SGCG: variants seen among roughly 807,000 people sequenced by gnomAD.
The protein encoded by SGCG is gamma-sarcoglycan.
SGCG carries 26 observed loss-of-function variants against 29.3 expected under a neutral mutation model. The ratio of observed to expected loss-of-function variants is 0.89; its 90% CI spans 0.65 to 1.23. The LOEUF (loss-of-function observed/expected upper bound fraction) is 1.23. SGCG is among the 50% of genes most tolerant of loss of function. The pLI, the probability that SGCG is intolerant of heterozygous loss-of-function variation, is 0.00. For missense variants in SGCG, 353 were observed against 356.0 expected, an observed-to-expected ratio of 0.99 and a Z score of 0.07; for synonymous variants, 145 against 129.7, an observed-to-expected ratio of 1.12 and a Z score of -0.80.
intron 5 of SGCG, among the ~76,000 whole-genome samples, chr13:23,287,077 C>T (rs980069408): frequency 6.6e-6 from 1 of 152,162 alleles, no homozygotes; most frequent in Non-Finnish European, 1.5e-5. Context: ...CCACTGAGCC[C>T]TGTATATTTC....
chr13:23,179,828 T>G (rs1348793234), upstream of SGCG, among the ~76,000 whole-genome samples: 1 of 152,170 alleles, frequency 6.6e-6, no homozygotes, highest in Non-Finnish European at 1.5e-5. Flanking sequence ...GAGAAGAAAA[T>G]AAAATGAGAA....
intron 6 of SGCG, among the ~76,000 whole-genome samples, chr13:23,317,600 C>T (rs1208240369): frequency 6.6e-6 from 1 of 152,074 alleles, no homozygotes; most frequent in East Asian, 1.9e-4. Context: ...TCTTTATTTT[C>T]TTTTCCTTTA....
intron 2 of SGCG, among the ~76,000 whole-genome samples, chr13:23,217,722 A>C (rs1187575449): frequency 6.6e-6 from 1 of 151,842 alleles, no homozygotes; most frequent in Non-Finnish European, 1.5e-5. Flanking sequence ...ATAGGTACTC[A>C]ACAAATACAG....
the SGCG span, among the ~76,000 whole-genome samples, chr13:23,168,849 A>T: frequency 6.6e-6 from 1 of 152,174 alleles, no homozygotes; most frequent in East Asian, 1.9e-4. Flanking sequence ...CAAATCTAAG[A>T]TGCCCATTTT....
At chr13:23,316,613 A>G (rs1020748765) in intron 6 of SGCG, among the ~76,000 whole-genome samples, 1 of 152,142 alleles carries the variant, frequency 6.6e-6, no homozygotes, top group Non-Finnish European at 1.5e-5. Context: ...TGTTTCTCCC[A>G]TAGCCAGGAC....
intron 2 of SGCG, among the ~76,000 whole-genome samples, chr13:23,232,946 T>C (rs1459591734): frequency 2.0e-5 from 3 of 152,312 alleles, no homozygotes; most frequent in Non-Finnish European, 2.9e-5. Context: ...TGCAGAGAAA[T>C]TGGAATTCTT....
At position 23,272,550 on chromosome 13, in the gene SGCG, G is replaced by C. The variant is rs186181366; in HGVS notation, c.386-6809G>C. On this transcript the variant is annotated intron_variant, in intron 4 of 7. Coordinates refer to ENST00000218867, the MANE Select transcript of SGCG (RefSeq NM_000231.3). ...TGGTGTTGCGCTGTGCTTCTTTCTGGTACTTCTATTTAGAATTTTTTGCAT... is the reference window on the plus strand; with the variant it reads ...TGGTGTTGCGCTGTGCTTCTTTCTGCTACTTCTATTTAGAATTTTTTGCAT... Among the ~76,000 whole-genome samples the C allele has an allele frequency of 7.2e-4, 109 of 152,040 alleles. 1 individual carries two copies. The highest frequency in any genetic ancestry group is 2.5e-3 in the African/African-American group (104 of 41,470).
the SGCG span, among the ~76,000 whole-genome samples, chr13:23,162,480 G>T: frequency 6.6e-6 from 1 of 152,154 alleles, no homozygotes; most frequent in African/African-American, 2.4e-5. Context: ...TTAAAAATTA[G>T]CCGGGCGTGG....
At chr13:23,318,665 A>G (rs1323370453) in intron 6 of SGCG, among the ~76,000 whole-genome samples, 2 of 152,228 alleles carry the variant, frequency 1.3e-5, no homozygotes, top group South Asian at 2.1e-4. Flanking sequence ...ATGGAAATGT[A>G]TACTTCAGAG....
At chr13:23,297,303 G>C (rs912493931) in intron 6 of SGCG, among the ~76,000 whole-genome samples, 2 of 151,494 alleles carry the variant, frequency 1.3e-5, no homozygotes, top group Non-Finnish European at 2.9e-5. Flanking sequence ...CCCTAACCCA[G>C]CAGTGTTAGA....
intron 2 of SGCG, chr13:23,217,537 C>T (rs1333496185): frequency 6.6e-6 from 1 of 152,066 alleles, no homozygotes; most frequent in Admixed American, 6.6e-5. Flanking sequence ...ATGAACATAA[C>T]ATCTGAGAAT....
chr13:23,252,427 C>CA (rs1288022396), intron 4 of SGCG, among the ~76,000 whole-genome samples: 1 of 152,116 alleles, frequency 6.6e-6, no homozygotes, highest in Non-Finnish European at 1.5e-5. Context: ...CACGGTGGCT[C>CA]ACGCCTGTAA....
chr13:23,269,991 C>T (rs1566024465), intron 4 of SGCG, among the ~76,000 whole-genome samples: 1 of 151,848 alleles, frequency 6.6e-6, no homozygotes, highest in Non-Finnish European at 1.5e-5. Context: ...TCTCCTGCCT[C>T]AGCCTCCCGA....
chr13:23,234,409 C>G (rs1879228694), intron 2 of SGCG, among the ~76,000 whole-genome samples: 1 of 151,694 alleles, frequency 6.6e-6, no homozygotes, highest in Non-Finnish European at 1.5e-5. Context: ...TATATGTTTT[C>G]TAAAGAGCTC....
intron 6 of SGCG, among the ~76,000 whole-genome samples, chr13:23,301,902 A>AG (rs1882174176): frequency 1.3e-4 from 2 of 15,664 alleles, no homozygotes; most frequent in East Asian, 0.014. Flanking sequence ...AAAAAAAAAA[A>AG]GAAAAGAAAA....
At chr13:23,309,322 C>T (rs1450952554) in intron 6 of SGCG, among the ~76,000 whole-genome samples, 1 of 152,054 alleles carries the variant, frequency 6.6e-6, no homozygotes, top group Non-Finnish European at 1.5e-5. Context: ...CTCCTGGGCT[C>T]AAATGATCCT....
the SGCG span, among the ~76,000 whole-genome samples, chr13:23,175,700 T>G: frequency 1.3e-5 from 2 of 152,168 alleles, no homozygotes; most frequent in Non-Finnish European, 2.9e-5. Flanking sequence ...CTCTATCTTC[T>G]TTTAGAATAC....
intron 6 of SGCG, among the ~76,000 whole-genome samples, chr13:23,303,466 G>C (rs1882247717): frequency 6.6e-6 from 1 of 152,242 alleles, no homozygotes; most frequent in Admixed American, 6.5e-5. Context: ...GGCATGTTCA[G>C]AATCAGGGCA....
the SGCG span, among the ~76,000 whole-genome samples, chr13:23,164,502 A>G: frequency 1.3e-5 from 2 of 152,336 alleles, no homozygotes; most frequent in African/African-American, 4.8e-5. Context: ...ATAAAGGAAT[A>G]TCTGAGGCCA....
Sources: allele counts gnomAD v4.1 joint callset (sites outside exome capture counted in the v4.1 genomes callset), GRCh38; gene constraint gnomAD v4.1.1; transcripts MANE v1.5; gene names NCBI Gene and HGNC (gene_info 2026-07-23, HGNC 2026-07-21).